RUNX1: variants seen among roughly 807,000 people sequenced by gnomAD.
RUNX1 encodes RUNX family transcription factor 1.
In RUNX1, 19 loss-of-function variants were observed where a neutral mutation model predicts 42.8. The observed-to-expected ratio is 0.44, with a 90% confidence interval of 0.31 to 0.65. The LOEUF (loss-of-function observed/expected upper bound fraction) is 0.65. RUNX1 is among the 30% of genes least tolerant of loss of function. The pLI, the probability that RUNX1 is intolerant of heterozygous loss-of-function variation, is 0.07. For missense variants in RUNX1, 528 were observed against 672.0 expected (o/e 0.79, Z 2.37); for synonymous variants, 271 against 289.4 (o/e 0.94, Z 0.64).
chr21:34,798,971 C>T (rs558019559), intron 8 of RUNX1, among the ~76,000 whole-genome samples: 1 of 152,290 alleles, frequency 6.6e-6, no homozygotes, highest in African/African-American at 2.4e-5. Flanking sequence ...GTCCAGAATT[C>T]ATTTGGAATA....
intron 4 of RUNX1, among the ~76,000 whole-genome samples, chr21:34,884,681 G>A (rs2057954245): frequency 6.6e-6 from 1 of 152,116 alleles, no homozygotes; most frequent in African/African-American, 2.4e-5. Context: ...TGAACATTTT[G>A]TCTACTCTTC....
intron 7 of RUNX1, among the ~76,000 whole-genome samples, chr21:34,814,987 G>A (rs2056805956): frequency 6.6e-6 from 1 of 151,954 alleles, no homozygotes; most frequent in South Asian, 2.1e-4. Context: ...ATGCAGCCAG[G>A]AATCATCCTA....
At position 34,787,813 on chromosome 21, in the gene RUNX1, A is replaced by G. The variant is rs565351250; in HGVS notation, c.*4322T>C. 4 of 231,856 alleles carry G rather than the reference A, an allele frequency of 1.7e-5. No individual in the cohort carries two copies. In the East Asian group the frequency reaches 1.8e-4, roughly 11 times the overall value. The allele number at this position is 231,856 out of a possible 1,614,324, so 14.4% of individuals were successfully genotyped here. A position where few individuals can be genotyped will look rare whatever the true frequency, so the allele number is the denominator to read the frequency against. ...AAAACCAATTGGATATGGTGTATGT[A>G]CTTGTCAAACTGTTTATTTGCCATT... On this transcript the variant is annotated 3_prime_UTR_variant, in exon 9 of 9. Transcript: ENST00000675419.
chr21:34,953,781 C>T (rs1004463656), intron 2 of RUNX1, among the ~76,000 whole-genome samples: 1 of 152,076 alleles, frequency 6.6e-6, no homozygotes, highest in African/African-American at 2.4e-5. Context: ...GTGACTTGAT[C>T]CAATGATCTA....
intron 2 of RUNX1, among the ~76,000 whole-genome samples, chr21:35,024,383 A>G (rs2059221151): frequency 6.6e-6 from 1 of 152,240 alleles, no homozygotes; most frequent in Non-Finnish European, 1.5e-5. Flanking sequence ...TACAAGAGAG[A>G]GAAACACACT....
intron 2 of RUNX1, among the ~76,000 whole-genome samples, chr21:35,039,934 C>T (rs1208539156): frequency 1.3e-5 from 2 of 152,166 alleles, no homozygotes; most frequent in Admixed American, 1.3e-4. Context: ...TCTGTTCCTA[C>T]CTGTCAGTCA....
At chr21:34,840,626 G>A (rs201195657) in intron 6 of RUNX1, among the ~76,000 whole-genome samples, 2 of 144,972 alleles carry the variant, frequency 1.4e-5, no homozygotes, top group Non-Finnish European at 3.0e-5. Context: ...ACACCTGGCT[G>A]CGGGAGCCAC....
intron 7 of RUNX1, among the ~76,000 whole-genome samples, chr21:34,812,844 A>AT (rs918982378): frequency 2.0e-5 from 3 of 152,068 alleles, no homozygotes; most frequent in South Asian, 2.1e-4. Context: ...AAATGGAGTA[A>AT]TTTTTTTTAA....
chr21:34,996,632 A>G (rs1048861244), intron 2 of RUNX1, among the ~76,000 whole-genome samples: 1 of 116,498 alleles, frequency 8.6e-6, no homozygotes, highest in Admixed American at 9.6e-5. Context: ...AGGAATGCTG[A>G]ACTCTCTCTC....
intron 8 of RUNX1, 71 bp downstream of exon 8, chr21:34,799,230 T>G (rs1178479506): frequency 3.3e-6 from 5 of 1,529,344 alleles, no homozygotes; most frequent in Non-Finnish European, 4.5e-6. Flanking sequence ...GCCAACTCCT[T>G]CATGCACCTC....
chr21:35,048,935 G>A lies in RUNX1; in HGVS notation c.-36C>T, dbSNP rs574296078. On this transcript the variant is annotated 5_prime_UTR_variant, in exon 2 of 9. Transcript: ENST00000675419. Reference sequence around the variant, plus strand: ...TGAAAATGCACCCTCTTCTGAAGGCGGGGGACTCAATGATTTCTTTTACCT... The same window carrying A: ...TGAAAATGCACCCTCTTCTGAAGGCAGGGGACTCAATGATTTCTTTTACCT... The A allele has an allele frequency of 2.3e-5, 37 of 1,594,476 alleles. No individual in the cohort carries two copies. Among genetic ancestry groups the A allele is most frequent in the South Asian group, 8.8e-5 (8 of 90,740 alleles).
intron 2 of RUNX1, 145 bp downstream of exon 2, chr21:35,048,697 T>C (rs2059417887): frequency 1.6e-5 from 12 of 766,990 alleles, no homozygotes; most frequent in South Asian, 4.1e-5. Flanking sequence ...CTTGTAATCA[T>C]ATGCCTCAGT....
chr21:34,956,895 T>C (rs1453678694), intron 2 of RUNX1, among the ~76,000 whole-genome samples: 2 of 152,220 alleles, frequency 1.3e-5, no homozygotes, highest in Admixed American at 1.3e-4. Context: ...TAACTCTTGT[T>C]CCTCAGTCTT....
intron 2 of RUNX1, among the ~76,000 whole-genome samples, chr21:34,993,763 AGG>A (rs2058970605): frequency 4.5e-5 from 5 of 111,454 alleles, no homozygotes; most frequent in African/African-American, 2.7e-4. Context: ...AGACACACAC[AGG>A]CGCACACACA....
At chr21:35,013,236 G>C (rs2059138055) in intron 2 of RUNX1, among the ~76,000 whole-genome samples, 1 of 152,176 alleles carries the variant, frequency 6.6e-6, no homozygotes, top group Non-Finnish European at 1.5e-5. Context: ...TATAGATTTA[G>C]TTGAATTTTC....
At chr21:34,814,630 C>A (rs904303075) in intron 7 of RUNX1, among the ~76,000 whole-genome samples, 3 of 152,182 alleles carry the variant, frequency 2.0e-5, no homozygotes, top group South Asian at 2.1e-4. Context: ...ACATGCCAGA[C>A]AGCAATGAAA....
intron 7 of RUNX1, chr21:34,833,869 T>C (rs564094538): frequency 4.1e-6 from 1 of 241,042 alleles, no homozygotes; most frequent in Admixed American, 4.8e-5. Flanking sequence ...GGGACCTGCA[T>C]TCTCTATTGA....
At chr21:35,040,702 C>T (rs748094315) in intron 2 of RUNX1, among the ~76,000 whole-genome samples, 1 of 136,714 alleles carries the variant, frequency 7.3e-6, no homozygotes. Context: ...ACGTGGGAGG[C>T]GGAGATTGCA....
intron 2 of RUNX1, among the ~76,000 whole-genome samples, chr21:35,035,204 G>C (rs975589852): frequency 1.3e-5 from 2 of 152,252 alleles, no homozygotes; most frequent in African/African-American, 2.4e-5. Context: ...TTCTGATTCA[G>C]TGCTCGCAAC....
Sources: gnomAD v4.1 joint callset for allele counts (sites outside exome capture counted in the v4.1 genomes callset) on GRCh38, gnomAD v4.1.1 for gene constraint, MANE v1.5 for transcripts, NCBI Gene and HGNC (gene_info 2026-07-23, HGNC 2026-07-21) for gene names.